Variants in CNKSR2 observed in about 807,000 individuals in gnomAD.
The protein encoded by CNKSR2 is connector enhancer of kinase suppressor of Ras 2, also known as CNK homolog protein 2.
Under a neutral mutation model 84.4 loss-of-function variants are expected in CNKSR2, and 14 were observed. The observed-to-expected ratio is 0.17, with a 90% CI of 0.11 to 0.26. The LOEUF (loss-of-function observed/expected upper bound fraction) is 0.26, where lower values mean the gene tolerates loss of function less well. Ranked by LOEUF, CNKSR2 falls within the 10% of genes least tolerant of loss-of-function variation. The pLI, the probability that CNKSR2 is intolerant of heterozygous loss-of-function variation, is 1.00. For synonymous variants in CNKSR2, 275 were observed against 277.9 expected, an observed-to-expected ratio of 0.99 and a Z score of 0.10; for missense variants, 485 against 771.2, an observed-to-expected ratio of 0.63 and a Z score of 4.40.
chrX:21,491,644 C>T (rs772039453), intron 6 of CNKSR2: 59 of 111,292 alleles, frequency 5.3e-4, no homozygotes, highest in African/African-American at 1.8e-3. Context: ...TGGGTGTTTT[C>T]CTGGGAAGGA....
chrX:21,614,092 G>C (rs1190269183), intron 20 of CNKSR2, among the ~76,000 whole-genome samples: 1 of 111,459 alleles, frequency 9.0e-6, no homozygotes, highest in Non-Finnish European at 1.9e-5. Flanking sequence ...CCACTCAGTA[G>C]CCTAAAATCT....
intron 5 of CNKSR2, among the ~76,000 whole-genome samples, chrX:21,483,986 AAAAC>A (rs2091351868): frequency 8.9e-6 from 1 of 112,338 alleles, no homozygotes; most frequent in African/African-American, 3.2e-5. Context: ...ATATTCAAAT[AAAAC>A]AATAAAATAA....
chrX:21,375,750 C>T (rs1371995673), intron 1 of CNKSR2, among the ~76,000 whole-genome samples: 3 of 112,194 alleles, frequency 2.7e-5, no homozygotes, highest in East Asian at 5.6e-4. Context: ...ACATTTCTTC[C>T]ATCTTGAAGG....
chrX:21,478,876 T>G (rs1289645571), intron 5 of CNKSR2, among the ~76,000 whole-genome samples: 1 of 111,752 alleles, frequency 8.9e-6, no homozygotes, highest in Non-Finnish European at 1.9e-5. Context: ...CTGTCTTTAT[T>G]TGAGACCACT....
chrX:21,490,612 C>T, intron 6 of CNKSR2, 34 bp downstream of exon 6: 6 of 1,189,136 alleles, frequency 5.0e-6, no homozygotes, highest in Non-Finnish European at 6.8e-6. Flanking sequence ...AACCACCATC[C>T]ATCAGTAGAG....
chrX:21,466,105 T>A (rs183069519), intron 4 of CNKSR2, among the ~76,000 whole-genome samples: 48 of 111,705 alleles, frequency 4.3e-4, no homozygotes, highest in African/African-American at 1.4e-3. Context: ...AAGAAATGAA[T>A]TTTTTTTGCA....
chrX:21,588,960 A>G (rs1046086301), intron 13 of CNKSR2, among the ~76,000 whole-genome samples: 12 of 112,780 alleles, frequency 1.1e-4, no homozygotes, highest in Non-Finnish European at 1.5e-4. Context: ...TAAATGAGCT[A>G]TACTTAAGCA....
intron 1 of CNKSR2, among the ~76,000 whole-genome samples, chrX:21,394,453 G>A (rs1036294636): frequency 4.5e-5 from 5 of 111,730 alleles, no homozygotes; most frequent in Admixed American, 1.9e-4. Flanking sequence ...CTGTATTGGA[G>A]TGTTTCTCTT....
In CNKSR2 at chrX:21,638,129, A is replaced by C. The variant is rs766064999; in HGVS notation, c.2693-10702A>C. 2.9e-4 allele frequency among the ~76,000 whole-genome samples: 33 copies of C among 111,983 alleles called. No individual in the cohort carries two copies. The South Asian group carries it at 0.012, about 41-fold the overall frequency. ...TAAAATATTTTCTTCTCTTTCATTC[A>C]TTAAAGAAAATATTTATTTTCAACT... On this transcript the variant is annotated intron_variant, in intron 20 of 21. Coordinates refer to ENST00000379510, the MANE Select transcript of CNKSR2 (RefSeq NM_014927.5).
At chrX:21,510,056 T>G (rs182088043) in intron 8 of CNKSR2, among the ~76,000 whole-genome samples, 1 of 111,521 alleles carries the variant, frequency 9.0e-6, no homozygotes, top group African/African-American at 3.3e-5. Context: ...ATTAAGTCTC[T>G]TCAGTGCTCT....
At chrX:21,375,752 T>G (rs2089802721) in intron 1 of CNKSR2, among the ~76,000 whole-genome samples, 1 of 112,114 alleles carries the variant, frequency 8.9e-6, no homozygotes, top group Non-Finnish European at 1.9e-5. Context: ...ATTTCTTCCA[T>G]CTTGAAGGTT....
intron 5 of CNKSR2, among the ~76,000 whole-genome samples, chrX:21,471,741 C>G (rs1200691924): frequency 9.0e-6 from 1 of 111,394 alleles, no homozygotes. Context: ...TCCTCTCCCC[C>G]TCATTGTGCA....
intron 19 of CNKSR2, 112 bp downstream of exon 19, chrX:21,606,991 C>T (rs749517897): frequency 2.6e-5 from 10 of 387,264 alleles, no homozygotes; most frequent in South Asian, 2.4e-4. Flanking sequence ...GGTTTCTCAG[C>T]GGAAAAGAAA....
At chrX:21,536,219 A>G (rs1260484842) in intron 11 of CNKSR2, among the ~76,000 whole-genome samples, 1 of 111,420 alleles carries the variant, frequency 9.0e-6, no homozygotes, top group African/African-American at 3.3e-5. Context: ...TCATTTGATA[A>G]TGGTATACAA....
rs1332260979 is a variant in CNKSR2, at chrX:21,563,423, A to G, written c.1579A>G (p.Thr527Ala). Residue 527 changes from threonine (T) to alanine (A), a missense_variant, in exon 13 of 22, where the codon ACT becomes GCT. Physicochemically the swap from Thr to Ala is moderately conservative, Grantham distance 58 (BLOSUM62 0). Around this residue, in one of 5 missense-constraint regions of CNKSR2, gnomAD observed 132 missense variants for 166.7 expected, o/e 0.79. Coordinates refer to ENST00000379510, the MANE Select transcript of CNKSR2 (RefSeq NM_014927.5). ...MDALRQDIMG[T>A]PVPETTLYHT... ...TGCACTGAGACAAGACATCATGGGC[A>G]CTCCTGTGCCAGAGACCACACTATA... 1 of 1,209,166 alleles carries G rather than the reference A, an allele frequency of 8.3e-7. No homozygotes were observed. Among genetic ancestry groups the G allele is most frequent in the Non-Finnish European group, 1.1e-6 (1 of 893,598 alleles).
chrX:21,516,674 A>T (rs1231951103), intron 9 of CNKSR2, 43 bp downstream of exon 9: 1 of 1,118,968 alleles, frequency 8.9e-7, no homozygotes, highest in Non-Finnish European at 1.2e-6. Flanking sequence ...CATTTTAGCC[A>T]TAGATTATCT....
At chrX:21,531,420 T>G (rs2091885108) in intron 10 of CNKSR2, among the ~76,000 whole-genome samples, 1 of 111,215 alleles carries the variant, frequency 9.0e-6, no homozygotes, top group Admixed American at 9.6e-5. Context: ...AAGTTAACAT[T>G]ATTACCATTA....
intron 4 of CNKSR2, among the ~76,000 whole-genome samples, chrX:21,449,840 A>T (rs1427503782): frequency 8.9e-6 from 1 of 111,859 alleles, no homozygotes; most frequent in Non-Finnish European, 1.9e-5. Context: ...CTCACAATTC[A>T]CTGGTCAAAA....
At chrX:21,433,651 C>G (rs1027891275) in intron 3 of CNKSR2, among the ~76,000 whole-genome samples, 1 of 94,527 alleles carries the variant, frequency 1.1e-5, no homozygotes. Flanking sequence ...CATATGTGTT[C>G]CTACACACAC....
Sources: gnomAD v4.1 joint callset for allele counts (sites outside exome capture counted in the v4.1 genomes callset) on GRCh38, gnomAD v4.1.1 for gene constraint, gnomAD v4.1.1 regional missense constraint, MANE v1.5 for transcripts, NCBI Gene and HGNC (gene_info 2026-07-23, HGNC 2026-07-21) for gene names.